The following NAALADL2 variants were observed in gnomAD, a reference collection of about 807,000 sequenced individuals.
NAALADL2 encodes the protein inactive N-acetylated-alpha-linked acidic dipeptidase-like protein 2.
Under a neutral mutation model 87.2 loss-of-function variants are expected in NAALADL2, and 76 were observed. That is an observed-to-expected ratio of 0.87 (90% CI 0.72 to 1.05). The LOEUF (loss-of-function observed/expected upper bound fraction) is 1.05, where lower values mean the gene tolerates loss of function less well. Among genes scored for constraint, NAALADL2 ranks in the 50% least tolerant of loss-of-function variants. The pLI is 0.00. For synonymous variants in NAALADL2, 354 were observed against 331.0 expected, an observed-to-expected ratio of 1.07 and a Z score of -0.75; for missense variants, 1,089 against 945.8, an observed-to-expected ratio of 1.15 and a Z score of -1.99.
In NAALADL2 at chr3:175,557,259, T is replaced by A. The variant is rs192298006; in HGVS notation, c.1654-18782T>A. ...TGTTCTTTTAATTTATTTTCATTTT[T>A]AATTTTTGTGGGTACATGGTAGTTG... On this transcript the variant is annotated intron_variant, in intron 9 of 13. Coordinates refer to ENST00000454872, the MANE Select transcript of NAALADL2 (RefSeq NM_207015.3). 2.6e-5 allele frequency among the ~76,000 whole-genome samples: 4 copies of A among 152,336 alleles called. No homozygotes were observed. In the East Asian group the frequency reaches 7.7e-4, roughly 29 times the overall value.
intron 3 of NAALADL2, among the ~76,000 whole-genome samples, chr3:174,794,871 A>G (rs551130831): frequency 2.0e-5 from 3 of 151,954 alleles, no homozygotes; most frequent in Non-Finnish European, 2.9e-5. Flanking sequence ...ATAGAAATTC[A>G]TGAAAATTTG....
At chr3:174,503,109 G>A (rs1195187513) in intron 1 of NAALADL2, among the ~76,000 whole-genome samples, 1 of 151,886 alleles carries the variant, frequency 6.6e-6, no homozygotes, top group Non-Finnish European at 1.5e-5. Flanking sequence ...TATTCAATTT[G>A]GAAACAAGGC....
At chr3:175,177,700 A>G (rs897761589) in intron 2 of NAALADL2, among the ~76,000 whole-genome samples, 3 of 152,132 alleles carry the variant, frequency 2.0e-5, no homozygotes, top group African/African-American at 7.2e-5. Flanking sequence ...AATAGGTCCT[A>G]GTATATCCCA....
intron 2 of NAALADL2, among the ~76,000 whole-genome samples, chr3:175,154,840 G>A (rs1732061773): frequency 6.6e-6 from 1 of 152,238 alleles, no homozygotes; most frequent in South Asian, 2.1e-4. Flanking sequence ...TCTGATGAAA[G>A]CCACTGTTTG....
chr3:174,712,975 C>T (rs1730818882), intron 2 of NAALADL2, among the ~76,000 whole-genome samples: 1 of 151,880 alleles, frequency 6.6e-6, no homozygotes, highest in Admixed American at 6.6e-5. Flanking sequence ...CACAACAGGC[C>T]CCAGTGTGTG....
chr3:175,662,795 T>C (rs894804987), intron 11 of NAALADL2, among the ~76,000 whole-genome samples: 3 of 152,052 alleles, frequency 2.0e-5, no homozygotes, highest in Admixed American at 6.6e-5. Flanking sequence ...TGTATCACAT[T>C]CATTGATTTG....
At chr3:175,757,699 C>T (rs1262896079) in intron 13 of NAALADL2, among the ~76,000 whole-genome samples, 1 of 151,984 alleles carries the variant, frequency 6.6e-6, no homozygotes, top group African/African-American at 2.4e-5. Context: ...AGGGACATAG[C>T]TGTCACCTTA....
At chr3:175,701,088 G>T (rs1455024888) in intron 11 of NAALADL2, among the ~76,000 whole-genome samples, 1 of 152,106 alleles carries the variant, frequency 6.6e-6, no homozygotes, top group Non-Finnish European at 1.5e-5. Context: ...CCCATCACTT[G>T]CATTTGGCAG....
intron 1 of NAALADL2, among the ~76,000 whole-genome samples, chr3:174,870,819 AT>A (rs1332477717): frequency 3.9e-5 from 6 of 152,278 alleles, no homozygotes; most frequent in African/African-American, 1.4e-4. Context: ...ACTTAAAAAA[AT>A]AATATTTTAT....
At chr3:174,995,701 G>T (rs1747347780) in intron 1 of NAALADL2, among the ~76,000 whole-genome samples, 1 of 151,496 alleles carries the variant, frequency 6.6e-6, no homozygotes, top group African/African-American at 2.4e-5. Context: ...AGAACATCTT[G>T]CATTCATCAA....
chr3:175,226,018 G>C (rs1744101621), intron 2 of NAALADL2, among the ~76,000 whole-genome samples: 1 of 152,032 alleles, frequency 6.6e-6, no homozygotes. Flanking sequence ...TTATCTTACT[G>C]TCACGTGGAA....
Position 175,027,458 on chromosome 3 carries a change from C to T in NAALADL2, c.44-69332C>T, listed in dbSNP as rs754940077. On this transcript the variant is annotated intron_variant, in intron 1 of 13. Transcript: ENST00000454872. ...ATCACTTATGTACCATAGTACATAACGGTATGATTTTATTATGTAATACAA... is the reference window on the plus strand; with the variant it reads ...ATCACTTATGTACCATAGTACATAATGGTATGATTTTATTATGTAATACAA... 5.9e-5 allele frequency among the ~76,000 whole-genome samples: 9 copies of T among 151,918 alleles called. No individual in the cohort carries two copies. In the South Asian group the frequency reaches 6.2e-4, roughly 11 times the overall value.
At chr3:175,480,111 TA>T (rs969188008) in intron 9 of NAALADL2, among the ~76,000 whole-genome samples, 1 of 151,802 alleles carries the variant, frequency 6.6e-6, no homozygotes, top group Non-Finnish European at 1.5e-5. Flanking sequence ...GTTTAGCTTT[TA>T]TAATATATAA....
At chr3:175,485,676 C>T (rs1441050704) in intron 9 of NAALADL2, among the ~76,000 whole-genome samples, 5 of 152,160 alleles carry the variant, frequency 3.3e-5, no homozygotes, top group Non-Finnish European at 5.9e-5. Flanking sequence ...CCACCTTCAT[C>T]TTCCTGCTTT....
chr3:174,463,553 G>A, intron 1 of NAALADL2, among the ~76,000 whole-genome samples: 1 of 151,184 alleles, frequency 6.6e-6, no homozygotes, highest in Middle Eastern at 3.5e-3. Flanking sequence ...AAGTTCTTTT[G>A]TGAGAATCCT....
intron 1 of NAALADL2, among the ~76,000 whole-genome samples, chr3:174,925,723 A>G (rs960771149): frequency 6.6e-6 from 1 of 152,080 alleles, no homozygotes; most frequent in Admixed American, 6.6e-5. Flanking sequence ...ATGTTCTTCC[A>G]TTTGTTTGTG....
At chr3:175,463,268 A>G (rs1723427407) in intron 6 of NAALADL2, 133 bp from the exon 7 acceptor site, 5 of 578,898 alleles carry the variant, frequency 8.6e-6, no homozygotes, top group African/African-American at 7.5e-5. Context: ...CGGAAAAAGT[A>G]TAACTGGCTA....
chr3:174,697,158 G>A (rs1352668849), intron 2 of NAALADL2, among the ~76,000 whole-genome samples: 1 of 152,106 alleles, frequency 6.6e-6, no homozygotes, highest in Non-Finnish European at 1.5e-5. Context: ...CTTGATGATA[G>A]CAATGCCATA....
chr3:175,577,375 G>A (rs933923198), intron 10 of NAALADL2, among the ~76,000 whole-genome samples: 1 of 152,092 alleles, frequency 6.6e-6, no homozygotes, highest in African/African-American at 2.4e-5. Context: ...ACATATTAAT[G>A]GGGTAATTTC....
Sources: gnomAD v4.1 joint callset for allele counts (sites outside exome capture counted in the v4.1 genomes callset) on GRCh38, gnomAD v4.1.1 for gene constraint, MANE v1.5 for transcripts, NCBI Gene and HGNC (gene_info 2026-07-23, HGNC 2026-07-21) for gene names.